RTL4: variants seen among roughly 807,000 people sequenced by gnomAD.
The protein encoded by RTL4 is retrotransposon Gag like 4, also known as retrotransposon Gag-like protein 4.
In RTL4, 4 loss-of-function variants were observed where a neutral mutation model predicts 5.3. The ratio of observed to expected loss-of-function variants is 0.75; its 90% CI spans 0.37 to 1.72. The LOEUF (loss-of-function observed/expected upper bound fraction) is 1.72, where lower values mean the gene tolerates loss of function less well. Ranked by LOEUF, RTL4 falls within the 40% of genes most tolerant of loss-of-function variation. RTL4 has a pLI of 0.04. For missense variants in RTL4, 260 were observed against 227.1 expected, an observed-to-expected ratio of 1.14 and a Z score of -0.93; for synonymous variants, 98 against 87.3, an observed-to-expected ratio of 1.12 and a Z score of -0.68.
At chrX:112,107,291 T>A in the RTL4 span, among the ~76,000 whole-genome samples, 2 of 112,144 alleles carry the variant, frequency 1.8e-5, no homozygotes, top group East Asian at 5.6e-4. Flanking sequence ...TTTTTGTAAC[T>A]GTTATTATTT....
chrX:112,105,903 C>A, the RTL4 span, among the ~76,000 whole-genome samples: 1 of 111,580 alleles, frequency 9.0e-6, no homozygotes, highest in Non-Finnish European at 1.9e-5. Context: ...CAGACTAGGA[C>A]TTCCAGTTTT....
At chrX:112,102,612 A>G in the RTL4 span, among the ~76,000 whole-genome samples, 1 of 111,555 alleles carries the variant, frequency 9.0e-6, no homozygotes, top group Non-Finnish European at 1.9e-5. Context: ...GGAAAATCAT[A>G]TCCAACAAAG....
chrX:112,115,717 G>C, the RTL4 span, among the ~76,000 whole-genome samples: 1,428 of 111,808 alleles, frequency 0.013, 24 homozygotes, highest in African/African-American at 0.043. Context: ...GAAGGGAACA[G>C]AGTTCTGAAA....
the RTL4 span, among the ~76,000 whole-genome samples, chrX:112,253,631 G>T: frequency 1.8e-5 from 2 of 111,918 alleles, no homozygotes; most frequent in African/African-American, 6.5e-5. Flanking sequence ...ACATTTCAGT[G>T]ACCTTAGAGT....
the RTL4 span, among the ~76,000 whole-genome samples, chrX:112,441,899 C>T: frequency 8.9e-6 from 1 of 111,962 alleles, no homozygotes; most frequent in Non-Finnish European, 1.9e-5. Flanking sequence ...GCAAGTAAAA[C>T]AAGAGGTGGT....
the RTL4 span, among the ~76,000 whole-genome samples, chrX:112,179,734 A>T: frequency 0.022 from 2,469 of 112,379 alleles, 66 homozygotes; most frequent in African/African-American, 0.075. Flanking sequence ...TGGGGCTTCA[A>T]CAGATTACAA....
the RTL4 span, among the ~76,000 whole-genome samples, chrX:112,291,237 C>A: frequency 3.6e-5 from 4 of 110,672 alleles, no homozygotes; most frequent in Non-Finnish European, 7.6e-5. Flanking sequence ...CACCACAGAT[C>A]AACATTTCCT....
the RTL4 span, among the ~76,000 whole-genome samples, chrX:112,244,140 T>C: frequency 8.9e-6 from 1 of 111,845 alleles, no homozygotes; most frequent in Non-Finnish European, 1.9e-5. Context: ...TTAGAATAAG[T>C]GTGATGTGGT....
At chrX:112,321,147 A>T in the RTL4 span, among the ~76,000 whole-genome samples, 1 of 111,782 alleles carries the variant, frequency 8.9e-6, no homozygotes, top group Non-Finnish European at 1.9e-5. Flanking sequence ...AAGCTTCCCT[A>T]GGTATAATGA....
the RTL4 span, among the ~76,000 whole-genome samples, chrX:112,152,891 A>G: frequency 9.0e-6 from 1 of 111,542 alleles, no homozygotes; most frequent in East Asian, 2.8e-4. Flanking sequence ...ACATGAACTT[A>G]TTCATGTCCC....
chrX:112,164,673 T>C, the RTL4 span, among the ~76,000 whole-genome samples: 2 of 111,831 alleles, frequency 1.8e-5, no homozygotes, highest in African/African-American at 3.3e-5. Flanking sequence ...TTCAAGAACC[T>C]GTCTATAATG....
chrX:112,125,501 T>A, the RTL4 span, among the ~76,000 whole-genome samples: 1 of 112,014 alleles, frequency 8.9e-6, no homozygotes, highest in Non-Finnish European at 1.9e-5. Context: ...ATCTGATTTG[T>A]TAGTTGTTCA....
the RTL4 span, among the ~76,000 whole-genome samples, chrX:112,324,245 A>G: frequency 8.9e-6 from 1 of 112,599 alleles, no homozygotes; most frequent in Non-Finnish European, 1.9e-5. Flanking sequence ...TCCATGTTGT[A>G]GCATAAATCA....
the RTL4 span, among the ~76,000 whole-genome samples, chrX:112,144,915 G>C: frequency 9.0e-6 from 1 of 111,589 alleles, no homozygotes; most frequent in Non-Finnish European, 1.9e-5. Context: ...AATATGACCT[G>C]TTTTCAAGGC....
At chrX:112,087,917 A>G in the RTL4 span, among the ~76,000 whole-genome samples, 1 of 110,971 alleles carries the variant, frequency 9.0e-6, no homozygotes, top group Non-Finnish European at 1.9e-5. Flanking sequence ...AAAATTAATC[A>G]TCTTAAACTA....
the RTL4 span, among the ~76,000 whole-genome samples, chrX:112,169,010 TTCTTTCTTTC>T: frequency 1.1e-4 from 11 of 97,882 alleles, no homozygotes; most frequent in African/African-American, 3.8e-4. Flanking sequence ...TTTCCTTTCT[TTCTTTCTTTC>T]TCTTTCTCTT....
chrX:112,311,164 A>G, the RTL4 span, among the ~76,000 whole-genome samples: 1 of 109,749 alleles, frequency 9.1e-6, no homozygotes, highest in African/African-American at 3.3e-5. Flanking sequence ...TGAATGAAAG[A>G]TCTGAAAGGA....
At chrX:112,407,381 T>TGTG in the RTL4 span, among the ~76,000 whole-genome samples, 1 of 111,547 alleles carries the variant, frequency 9.0e-6, no homozygotes, top group Non-Finnish European at 1.9e-5. Flanking sequence ...CCTGTGGGCC[T>TGTG]GTGGTGGCAG....
chrX:112,197,508 A>G, the RTL4 span, among the ~76,000 whole-genome samples: 1 of 110,626 alleles, frequency 9.0e-6, no homozygotes, highest in Non-Finnish European at 1.9e-5. Flanking sequence ...ATGAAGTCAC[A>G]ATTTTTCTCT....
Sources: gnomAD v4.1 joint callset for allele counts (sites outside exome capture counted in the v4.1 genomes callset) on GRCh38, gnomAD v4.1.1 for gene constraint, MANE v1.5 for transcripts, NCBI Gene and HGNC (gene_info 2026-07-23, HGNC 2026-07-21) for gene names.